FILIP1L: variants seen among roughly 807,000 people sequenced by gnomAD.
FILIP1L encodes filamin A interacting protein 1 like.
Under a neutral mutation model 96.6 loss-of-function variants are expected in FILIP1L, and 55 were observed. The observed-to-expected ratio is 0.57, with a 90% confidence interval of 0.46 to 0.71. The LOEUF (loss-of-function observed/expected upper bound fraction) is 0.71, where lower values mean the gene tolerates loss of function less well. Among genes scored for constraint, FILIP1L ranks in the 30% least tolerant of loss-of-function variants. The pLI is 0.00. For missense variants in FILIP1L, 1,304 were observed against 1,321.2 expected, an observed-to-expected ratio of 0.99 and a Z score of 0.20; for synonymous variants, 467 against 473.9, an observed-to-expected ratio of 0.99 and a Z score of 0.19.
At chr3:100,037,175 C>G (rs1315148350) in intron 1 of FILIP1L, among the ~76,000 whole-genome samples, 1 of 150,896 alleles carries the variant, frequency 6.6e-6, no homozygotes, top group Non-Finnish European at 1.5e-5. Flanking sequence ...TATACATTTC[C>G]TGATTTTGAT....
At chr3:100,003,048 T>G (rs951825493) in intron 1 of FILIP1L, among the ~76,000 whole-genome samples, 4 of 152,170 alleles carry the variant, frequency 2.6e-5, no homozygotes, top group Admixed American at 6.5e-5. Context: ...TATCTCTAGC[T>G]GTGTACTGCT....
chr3:100,062,382 A>T (rs1427577359), intron 1 of FILIP1L, among the ~76,000 whole-genome samples: 1 of 151,908 alleles, frequency 6.6e-6, no homozygotes, highest in Non-Finnish European at 1.5e-5. Flanking sequence ...AAGTGCTAGG[A>T]TTACAGGTGT....
chr3:99,853,468 A>G (rs1304825989), intron 4 of FILIP1L, among the ~76,000 whole-genome samples: 1 of 152,252 alleles, frequency 6.6e-6, no homozygotes, highest in Non-Finnish European at 1.5e-5. Flanking sequence ...GTTTTGCAGT[A>G]TAATTAAAAG....
At chr3:100,100,486 C>G (rs2066285595) in intron 1 of FILIP1L, among the ~76,000 whole-genome samples, 1 of 152,108 alleles carries the variant, frequency 6.6e-6, no homozygotes. Context: ...GATTACACAG[C>G]AAGTCCACAT....
At chr3:99,887,987 A>G (rs950522161) in intron 4 of FILIP1L, among the ~76,000 whole-genome samples, 21 of 152,000 alleles carry the variant, frequency 1.4e-4, no homozygotes, top group Non-Finnish European at 1.9e-4. Flanking sequence ...CAAGCAATCC[A>G]TCCACCTTGG....
chr3:99,903,503 G>A (rs184091629), intron 4 of FILIP1L, among the ~76,000 whole-genome samples: 6 of 152,222 alleles, frequency 3.9e-5, no homozygotes, highest in African/African-American at 1.4e-4. Flanking sequence ...ACCTGCCTCG[G>A]CCTCCCAAAG....
chr3:100,060,630 A>T (rs1373932553), intron 1 of FILIP1L, among the ~76,000 whole-genome samples: 1 of 152,106 alleles, frequency 6.6e-6, no homozygotes, highest in Non-Finnish European at 1.5e-5. Flanking sequence ...TGAAGCAGAC[A>T]GATACCTTGA....
At chr3:100,111,983 C>A (rs1258330964) in intron 1 of FILIP1L, among the ~76,000 whole-genome samples, 1 of 152,160 alleles carries the variant, frequency 6.6e-6, no homozygotes, top group Non-Finnish European at 1.5e-5. Context: ...CATCTGGAGA[C>A]CATGTTTGCC....
intron 3 of FILIP1L, chr3:99,925,738 A>G (rs1277605716): frequency 1.9e-5 from 7 of 375,460 alleles, no homozygotes; most frequent in Non-Finnish European, 2.6e-5. Context: ...CTTGGCAGAT[A>G]TCCCAAGTGC....
chr3:99,845,798 CTG>C (rs1356743023), intron 5 of FILIP1L, among the ~76,000 whole-genome samples: 2 of 152,186 alleles, frequency 1.3e-5, no homozygotes, highest in African/African-American at 4.8e-5. Flanking sequence ...CGTTATTAAT[CTG>C]TCTCCTAAAA....
intron 1 of FILIP1L, among the ~76,000 whole-genome samples, chr3:100,015,328 A>G (rs531862591): frequency 4.3e-4 from 66 of 152,254 alleles, no homozygotes; most frequent in African/African-American, 1.5e-3. Context: ...AGGTAGTATG[A>G]TGCTTCAAGC....
intron 1 of FILIP1L, among the ~76,000 whole-genome samples, chr3:99,932,379 G>T (rs1413513360): frequency 4.0e-5 from 6 of 151,608 alleles, no homozygotes; most frequent in African/African-American, 1.5e-4. Context: ...ATATTTTTGA[G>T]ATTCTTCCTT....
At chr3:99,970,038 G>T (rs1037170677) in intron 1 of FILIP1L, among the ~76,000 whole-genome samples, 1 of 152,196 alleles carries the variant, frequency 6.6e-6, no homozygotes, top group Non-Finnish European at 1.5e-5. Context: ...TTAGGCATTG[G>T]CTTAAAATTT....
chr3:99,925,266 C>G (rs1707255098), intron 3 of FILIP1L, among the ~76,000 whole-genome samples: 1 of 152,150 alleles, frequency 6.6e-6, no homozygotes, highest in African/African-American at 2.4e-5. Context: ...AATGTAAGTA[C>G]TAAGTCCATT....
chr3:100,066,688 C>T (rs1440185968), intron 1 of FILIP1L, among the ~76,000 whole-genome samples: 1 of 132,140 alleles, frequency 7.6e-6, no homozygotes, highest in East Asian at 2.1e-4. Flanking sequence ...CCCGCCACTA[C>T]GCCCGGCTAA....
At position 99,950,614 on chromosome 3, in the gene FILIP1L, C is replaced by T. The variant is rs565408309; in HGVS notation, c.-10-19584G>A. 7.9e-5 allele frequency among the ~76,000 whole-genome samples: 12 copies of T among 152,288 alleles called. No individual in the cohort carries two copies. In the South Asian group the frequency reaches 1.0e-3, roughly 13 times the overall value. ...GTGCTGTTCCCAGCAGGAAGTGGCC[C>T]ATGGCTGTATGACTATCCCCACTCA... On this transcript the variant is annotated intron_variant, in intron 1 of 5. Coordinates refer to ENST00000477258, the MANE Select transcript of FILIP1L (RefSeq NM_001387850.1).
chr3:99,859,676 A>G (rs1288553161), intron 4 of FILIP1L, among the ~76,000 whole-genome samples: 1 of 152,166 alleles, frequency 6.6e-6, no homozygotes, highest in Non-Finnish European at 1.5e-5. Flanking sequence ...TGTTGCGTTG[A>G]TAGTAGCTGT....
intron 1 of FILIP1L, among the ~76,000 whole-genome samples, chr3:100,017,076 A>G (rs1213718568): frequency 6.6e-6 from 1 of 152,226 alleles, no homozygotes; most frequent in African/African-American, 2.4e-5. Flanking sequence ...CTTCATAAAG[A>G]CTTCTATAGC....
chr3:99,831,219 G>A (rs1455931879), intron 5 of FILIP1L, among the ~76,000 whole-genome samples: 1 of 152,188 alleles, frequency 6.6e-6, no homozygotes, highest in South Asian at 2.1e-4. Flanking sequence ...ATGACAACAT[G>A]CTTTGTTAAT....
Sources: allele counts gnomAD v4.1 joint callset (sites outside exome capture counted in the v4.1 genomes callset), GRCh38; gene constraint gnomAD v4.1.1; transcripts MANE v1.5; gene names NCBI Gene and HGNC (gene_info 2026-07-23, HGNC 2026-07-21).